IQGAP1: variants seen among roughly 807,000 people sequenced by gnomAD.
IQGAP1 encodes the protein IQ motif containing GTPase activating protein 1.
A neutral mutation model predicts 215.6 loss-of-function variants in IQGAP1; 66 were observed. That is an observed-to-expected ratio of 0.31 (90% CI 0.25 to 0.38). The LOEUF is 0.38. Among genes scored for constraint, IQGAP1 ranks in the 10% least tolerant of loss-of-function variants. The pLI, the probability that IQGAP1 is intolerant of heterozygous loss-of-function variation, is 1.00. For missense variants in IQGAP1, 1,712 were observed against 1,997.1 expected, an observed-to-expected ratio of 0.86 and a Z score of 2.72; for synonymous variants, 772 against 728.7, an observed-to-expected ratio of 1.06 and a Z score of -0.96.
intron 2 of IQGAP1, among the ~76,000 whole-genome samples, chr15:90,398,345 A>G (rs1468355419): frequency 6.6e-6 from 1 of 152,102 alleles, no homozygotes; most frequent in Non-Finnish European, 1.5e-5. Context: ...AACAGAAGAT[A>G]CTTCTAGGGA....
At chr15:90,477,044 C>G in intron 24 of IQGAP1, 23 bp from the exon 25 acceptor site, 1 of 1,610,822 alleles carries the variant, frequency 6.2e-7, no homozygotes, top group Non-Finnish European at 8.5e-7. Flanking sequence ...CTACAAATGA[C>G]TTATCCCTTG....
At chr15:90,457,909 T>A (rs1033697127) in intron 15 of IQGAP1, among the ~76,000 whole-genome samples, 2 of 152,222 alleles carry the variant, frequency 1.3e-5, no homozygotes, top group Non-Finnish European at 2.9e-5. Flanking sequence ...GAAACGTAAT[T>A]CACGTATCAG....
intron 2 of IQGAP1, among the ~76,000 whole-genome samples, chr15:90,421,202 G>A (rs1159464342): frequency 2.0e-5 from 3 of 148,078 alleles, no homozygotes; most frequent in East Asian, 2.0e-4. Context: ...GAGGCTGGGC[G>A]TGGTGGCTCA....
intron 11 of IQGAP1, among the ~76,000 whole-genome samples, chr15:90,452,054 T>G (rs1390805309): frequency 6.6e-6 from 1 of 152,204 alleles, no homozygotes; most frequent in Non-Finnish European, 1.5e-5. Context: ...GGTCTCGATC[T>G]CCTGACCTCG....
At chr15:90,436,313 G>A (rs115656685) in intron 5 of IQGAP1, among the ~76,000 whole-genome samples, 1 of 151,896 alleles carries the variant, frequency 6.6e-6, no homozygotes, top group South Asian at 2.1e-4. Context: ...GGCTTGCTGG[G>A]GATACTTTAT....
At chr15:90,436,356 T>C (rs546851735) in intron 5 of IQGAP1, among the ~76,000 whole-genome samples, 8 of 152,310 alleles carry the variant, frequency 5.3e-5, no homozygotes, top group African/African-American at 1.7e-4. Context: ...GAAATACACT[T>C]TCTAATATCT....
Position 90,418,885 on chromosome 15 carries a change from G to A in IQGAP1, c.156-7225G>A, listed in dbSNP as rs1361002221. Among the ~76,000 whole-genome samples the A allele has an allele frequency of 4.6e-5, 7 of 152,218 alleles. No individual in the cohort carries two copies. The East Asian group carries it at 5.8e-4, about 13-fold the overall frequency. ...AGCTTCATACTGGTTCGTGGCTCACGCCTGTAATCCCAGCACTTTGGGAGG... is the reference window on the plus strand; with the variant it reads ...AGCTTCATACTGGTTCGTGGCTCACACCTGTAATCCCAGCACTTTGGGAGG... On this transcript the variant is annotated intron_variant, in intron 2 of 37. Coordinates refer to ENST00000268182, the MANE Select transcript of IQGAP1 (RefSeq NM_003870.4).
chr15:90,466,431 C>T lies in IQGAP1; in HGVS notation c.2030C>T (p.Ala677Val), dbSNP rs765189988. 2 of 1,613,946 alleles carry T rather than the reference C, an allele frequency of 1.2e-6. No individual in the cohort carries two copies. Among genetic ancestry groups the T allele is most frequent in the Non-Finnish European group, 1.7e-6 (2 of 1,179,930 alleles). Residue 677 changes from alanine (A) to valine (V), a missense_variant, in exon 17 of 38, where the codon GCA (alanine) becomes GTA (valine). Physicochemically the swap from Ala to Val is moderately conservative, Grantham distance 64 (BLOSUM62 0). Around this residue, in one of 2 missense-constraint regions of IQGAP1, gnomAD observed 1,021 missense variants for 1,074.2 expected, o/e 0.95. Transcript: ENST00000268182. Reference protein sequence around the residue: ...DLAEAKKKKLAVGDNNSKWVK... With the variant: ...DLAEAKKKKLVVGDNNSKWVK... ...GCTGAAGCCAAGAAGAAAAAACTGG[C>T]AGTAGGTGAGTTCTGGGATAATACA...
At chr15:90,431,357 T>C (rs1965300733) in intron 4 of IQGAP1, 1 of 152,150 alleles carries the variant, frequency 6.6e-6, no homozygotes, top group South Asian at 2.1e-4. Context: ...TCCCTGTTTT[T>C]TAATATAGTA....
intron 2 of IQGAP1, among the ~76,000 whole-genome samples, chr15:90,412,569 T>G (rs1479153985): frequency 6.6e-6 from 1 of 152,232 alleles, no homozygotes; most frequent in Non-Finnish European, 1.5e-5. Flanking sequence ...GAAGTCATCC[T>G]GATTCCCCTC....
At chr15:90,450,496 T>C (rs530257722) in intron 11 of IQGAP1, among the ~76,000 whole-genome samples, 1 of 152,138 alleles carries the variant, frequency 6.6e-6, no homozygotes, top group East Asian at 1.9e-4. Context: ...CTGAATCATA[T>C]GTAGTTTTAT....
chr15:90,495,526 A>T (rs978656204), intron 36 of IQGAP1, among the ~76,000 whole-genome samples: 4 of 152,068 alleles, frequency 2.6e-5, no homozygotes, highest in Admixed American at 2.0e-4. Context: ...AACCACTGAA[A>T]TCGTTTTAAT....
At chr15:90,462,002 A>AGG (rs1555439596) in intron 15 of IQGAP1, among the ~76,000 whole-genome samples, 30 of 143,416 alleles carry the variant, frequency 2.1e-4, no homozygotes, top group African/African-American at 7.2e-4. Flanking sequence ...AAAAAAAAGA[A>AGG]AAAAAAAAAA....
Position 90,486,198 on chromosome 15 carries a change from C to T in IQGAP1, c.4024+66C>T, listed in dbSNP as rs958769757. The T allele has an allele frequency of 1.0e-4, 114 of 1,088,332 alleles. No homozygotes were observed. The African/African-American group carries it at 1.6e-3, about 15-fold the overall frequency. 67.4% of individuals were successfully genotyped at this position (1,088,332 alleles called of 1,614,324 possible). A position where few individuals can be genotyped will look rare whatever the true frequency, so the allele number is the denominator to read the frequency against. On this transcript the variant is annotated intron_variant, in intron 31 of 37. Coordinates refer to ENST00000268182, the MANE Select transcript of IQGAP1 (RefSeq NM_003870.4). ...TGACAGAAAAGTGTTGTAATTGTCACCTCCTCTATTTTTTGCACTATACCA... is the reference window on the plus strand; with the variant it reads ...TGACAGAAAAGTGTTGTAATTGTCATCTCCTCTATTTTTTGCACTATACCA...
At chr15:90,402,750 TG>T (rs1964820964) in intron 2 of IQGAP1, among the ~76,000 whole-genome samples, 1 of 150,746 alleles carries the variant, frequency 6.6e-6, no homozygotes, top group Non-Finnish European at 1.5e-5. Context: ...CAAGAGGGAG[TG>T]GGGGCAAAAT....
chr15:90,461,300 A>G (rs894775964), intron 15 of IQGAP1, among the ~76,000 whole-genome samples: 5 of 102,334 alleles, frequency 4.9e-5, no homozygotes, highest in Non-Finnish European at 1.1e-4. Context: ...ACTCCGTCTC[A>G]AAAAAAGAAA....
intron 5 of IQGAP1, among the ~76,000 whole-genome samples, chr15:90,435,890 A>AT (rs2151017419): frequency 6.6e-6 from 1 of 152,284 alleles, no homozygotes; most frequent in Non-Finnish European, 1.5e-5. Flanking sequence ...TGGATTGGCA[A>AT]CATTTGATAA....
intron 23 of IQGAP1, 110 bp downstream of exon 23, chr15:90,474,803 A>T: frequency 1.3e-6 from 1 of 786,432 alleles, no homozygotes; most frequent in Non-Finnish European, 2.1e-6. Context: ...CTCCTCAGCT[A>T]CTGCCATAAG....
chr15:90,436,860 G>A (rs1020043922), intron 5 of IQGAP1, among the ~76,000 whole-genome samples: 1 of 152,158 alleles, frequency 6.6e-6, no homozygotes, highest in Non-Finnish European at 1.5e-5. Context: ...AAGAAAGATG[G>A]TGCCCATGTC....
Sources: gnomAD v4.1 joint callset for allele counts (sites outside exome capture counted in the v4.1 genomes callset) on GRCh38, gnomAD v4.1.1 for gene constraint, gnomAD v4.1.1 regional missense constraint, MANE v1.5 for transcripts, NCBI Gene and HGNC (gene_info 2026-07-23, HGNC 2026-07-21) for gene names.